The following FGF13 variants were observed in gnomAD, a reference collection of about 807,000 sequenced individuals.
FGF13 encodes fibroblast growth factor 13.
A neutral mutation model predicts 19.5 loss-of-function variants in FGF13; 2 were observed. The ratio of observed to expected loss-of-function variants is 0.10; its 90% CI spans 0.04 to 0.32. The LOEUF (loss-of-function observed/expected upper bound fraction) is 0.32. Among genes scored for constraint, FGF13 ranks in the 10% least tolerant of loss-of-function variants. FGF13 has a pLI of 1.00. For synonymous variants in FGF13, 72 were observed against 76.9 expected, an observed-to-expected ratio of 0.94 and a Z score of 0.33; for missense variants, 113 against 192.7, an observed-to-expected ratio of 0.59 and a Z score of 2.45.
Position 138,865,422 on chromosome X carries a change from CCT to C in FGF13, c.-112-774_-112-773del, listed in dbSNP as rs1302700068. ...TTCTTTACTCTCTCCAGTGAAAATT[CCT>C]CTCTCTCTTCTCTCTCTCTCTCTCT... On this transcript the variant is annotated intron_variant, in intron 1 of 2. Transcript: ENST00000421460. Among the ~76,000 whole-genome samples the C allele has an allele frequency of 1.2e-3, 122 of 103,111 alleles. 1 individual carries two copies. In the Middle Eastern group the frequency reaches 0.015, roughly 13 times the overall value. The allele number at this position is 103,111 out of a possible 115,157, so 89.5% of individuals were successfully genotyped here. A position where few individuals can be genotyped will look rare whatever the true frequency, so the allele number is the denominator to read the frequency against.
At chrX:139,000,409 G>A (rs1044588530) in intron 1 of FGF13, among the ~76,000 whole-genome samples, 3 of 112,004 alleles carry the variant, frequency 2.7e-5, no homozygotes, top group African/African-American at 9.8e-5. Context: ...TCTGTTTGCA[G>A]ATGGTATGAT....
chrX:139,076,657 T>C (rs1452817298), intron 1 of FGF13, among the ~76,000 whole-genome samples: 1 of 112,022 alleles, frequency 8.9e-6, no homozygotes, highest in Non-Finnish European at 1.9e-5. Context: ...CCATAATGTT[T>C]CTGAGTTATA....
intron 1 of FGF13, among the ~76,000 whole-genome samples, chrX:139,194,884 T>C (rs1310929177): frequency 3.6e-5 from 4 of 111,351 alleles, no homozygotes; most frequent in Non-Finnish European, 7.6e-5. Flanking sequence ...GCGGTTCCCT[T>C]TGCGACGCCT....
At chrX:138,981,634 C>T (rs2091964097) in intron 1 of FGF13, among the ~76,000 whole-genome samples, 1 of 110,440 alleles carries the variant, frequency 9.1e-6, no homozygotes, top group Admixed American at 9.7e-5. Flanking sequence ...AGTCCAACAG[C>T]CCAGCCCATT....
intron 1 of FGF13, among the ~76,000 whole-genome samples, chrX:139,018,804 G>A (rs1396900746): frequency 1.8e-5 from 2 of 109,726 alleles, no homozygotes; most frequent in Non-Finnish European, 3.8e-5. Flanking sequence ...TTTGTAAACA[G>A]CTTAATTGAA....
intron 1 of FGF13, among the ~76,000 whole-genome samples, chrX:139,079,503 C>T (rs1292587521): frequency 9.0e-6 from 1 of 111,423 alleles, no homozygotes; most frequent in Non-Finnish European, 1.9e-5. Flanking sequence ...TCTGGAACAG[C>T]TTTGCAGGAC....
intron 3 of FGF13, among the ~76,000 whole-genome samples, chrX:138,784,483 G>A (rs1300710885): frequency 9.1e-6 from 1 of 110,247 alleles, no homozygotes; most frequent in Non-Finnish European, 1.9e-5. Context: ...TATGTCTAAT[G>A]TTTACCTTTC....
chrX:139,145,849 G>A (rs1202867488), intron 1 of FGF13, among the ~76,000 whole-genome samples: 1 of 111,585 alleles, frequency 9.0e-6, no homozygotes, highest in South Asian at 3.8e-4. Context: ...AGAGCAGCGG[G>A]GGCACATTTC....
chrX:138,820,790 T>C (rs1445230474), intron 3 of FGF13, among the ~76,000 whole-genome samples: 1 of 111,420 alleles, frequency 9.0e-6, no homozygotes, highest in African/African-American at 3.3e-5. Flanking sequence ...CTGAAGAAAG[T>C]GCAAAATTTG....
chrX:139,203,209 G>A (rs1170266873), intron 1 of FGF13, among the ~76,000 whole-genome samples: 4 of 111,702 alleles, frequency 3.6e-5, no homozygotes, highest in Non-Finnish European at 5.7e-5. Context: ...GCAGAGGCGC[G>A]CACTCCAGGG....
chrX:138,976,151 A>C (rs965609641), intron 1 of FGF13, among the ~76,000 whole-genome samples: 3 of 111,889 alleles, frequency 2.7e-5, no homozygotes, highest in African/African-American at 9.8e-5. Flanking sequence ...TGACCACCGG[A>C]AACAAGGCTC....
chrX:138,957,880 T>C lies in FGF13; in HGVS notation c.-112-93230A>G, dbSNP rs767944493. Among the ~76,000 whole-genome samples the C allele has an allele frequency of 1.7e-4, 19 of 112,306 alleles. No individual in the cohort carries two copies. In the East Asian group the frequency reaches 4.2e-3, roughly 25 times the overall value. On this transcript the variant is annotated intron_variant, in intron 1 of 2. Coordinates refer to the FGF13 transcript ENST00000421460. ...TGATGTTTGCACATTGATTTTGTAT[T>C]CTGAGACTTTGCTGAAGTTGCTTAT...
chrX:138,984,530 G>A (rs1255203399), intron 1 of FGF13, among the ~76,000 whole-genome samples: 2 of 23,029 alleles, frequency 8.7e-5, no homozygotes, highest in Non-Finnish European at 1.7e-4. Flanking sequence ...AGAGGAAGAA[G>A]AAGAAGAAGA....
rs779722892 is a variant in FGF13, at chrX:138,888,287, C to T, written c.-112-23637G>A. On this transcript the variant is annotated intron_variant, in intron 1 of 2. Coordinates refer to the FGF13 transcript ENST00000421460. ...CAGGAAAAATGCACTATAAAATATT[C>T]TCAGATACTGAAATTGAGAAGGCCA... Among the ~76,000 whole-genome samples the T allele has an allele frequency of 5.2e-3, 584 of 112,029 alleles. 3 individuals are homozygous for T. Among genetic ancestry groups the T allele is most frequent in the Non-Finnish European group, 8.4e-3 (446 of 53,227 alleles).
chrX:139,164,812 A>C (rs1419676980), intron 1 of FGF13, among the ~76,000 whole-genome samples: 2 of 111,765 alleles, frequency 1.8e-5, no homozygotes, highest in Non-Finnish European at 3.8e-5. Context: ...AGCCACATTG[A>C]TAAATAAAGT....
chrX:139,123,356 C>G (rs1195344058), intron 1 of FGF13, among the ~76,000 whole-genome samples: 1 of 111,963 alleles, frequency 8.9e-6, no homozygotes, highest in Non-Finnish European at 1.9e-5. Flanking sequence ...CTGCCTATCT[C>G]TTAAACCTTG....
chrX:139,110,512 C>T (rs984702516), intron 1 of FGF13, among the ~76,000 whole-genome samples: 4 of 111,341 alleles, frequency 3.6e-5, no homozygotes, highest in Admixed American at 9.6e-5. Context: ...TTCTCTCTTG[C>T]TGCTGCCATG....
At chrX:139,188,187 T>C (rs5974804) in intron 1 of FGF13, among the ~76,000 whole-genome samples, 54,313 of 110,880 alleles carry the variant, frequency 0.49, 11,301 homozygotes, top group African/African-American at 0.82. Flanking sequence ...TCTTCCTCAT[T>C]GGTGTTTCAC....
intron 3 of FGF13, among the ~76,000 whole-genome samples, chrX:138,654,744 A>AATACATAC (rs61363120): frequency 0.054 from 5,710 of 105,014 alleles, 354 homozygotes; most frequent in Admixed American, 0.16. Context: ...CCGGCTCAAA[A>AATACATAC]ATACATACAT....
Sources: gnomAD v4.1 joint callset for allele counts (sites outside exome capture counted in the v4.1 genomes callset) on GRCh38, gnomAD v4.1.1 for gene constraint, MANE v1.5 for transcripts, NCBI Gene and HGNC (gene_info 2026-07-23, HGNC 2026-07-21) for gene names.